SPTBN2: variants seen among roughly 807,000 people sequenced by gnomAD.
SPTBN2 encodes spectrin beta chain, non-erythrocytic 2.
SPTBN2 carries 107 observed loss-of-function variants against 284.2 expected under a neutral mutation model. The observed-to-expected ratio is 0.38, with a 90% CI of 0.32 to 0.44. SPTBN2 has a LOEUF of 0.44. SPTBN2 is among the 20% of genes least tolerant of loss of function. SPTBN2 has a pLI of 1.00. For synonymous variants in SPTBN2, 1,289 were observed against 1,354.8 expected (o/e 0.95, Z 1.07); for missense variants, 2,569 against 3,287.1 (o/e 0.78, Z 5.34).
intron 15 of SPTBN2, 63 bp from the exon 16 acceptor site, chr11:66,701,784 G>A: frequency 1.9e-6 from 3 of 1,611,516 alleles, no homozygotes; most frequent in Non-Finnish European, 2.5e-6. Context: ...GTCCACCTAA[G>A]TCCACCTCTC....
At chr11:66,703,311 G>A (rs1941346636) in intron 15 of SPTBN2, among the ~76,000 whole-genome samples, 1 of 152,020 alleles carries the variant, frequency 6.6e-6, no homozygotes, top group Non-Finnish European at 1.5e-5. Context: ...TGAACTCTTG[G>A]AATCAAGTGA....
chr11:66,714,971 A>G (rs1942069935), intron 5 of SPTBN2, among the ~76,000 whole-genome samples: 1 of 152,206 alleles, frequency 6.6e-6, no homozygotes, highest in Non-Finnish European at 1.5e-5. Context: ...GTCCCATTGC[A>G]CACGACCAAC....
At chr11:66,702,235 C>T (rs910858205) in intron 15 of SPTBN2, among the ~76,000 whole-genome samples, 3 of 152,200 alleles carry the variant, frequency 2.0e-5, no homozygotes, top group South Asian at 2.1e-4. Flanking sequence ...GGTGCAATCT[C>T]GACTCACTGC....
rs1336783904 is a variant in SPTBN2, at chr11:66,709,007, T to C, written c.1086A>G (p.Lys362=). 1.9e-6 allele frequency: 3 copies of C among 1,613,850 alleles called. No homozygotes were observed. The highest frequency in any genetic ancestry group is 1.7e-6 in the Non-Finnish European group (2 of 1,179,904). The change falls in exon 11 of 38, where the codon AAA becomes AAG. Residue 362 remains lysine (K), a synonymous_variant. Transcript: ENST00000533211. ...TVEKPPKFTE[K]GNLEVLLFTI... The stretch of plus-strand genomic sequence containing the variant: ...TGAAGAGCAGCACTTCCAAGTTCCC[T>C]TTCTCGGTAAACCTGAGGCAGGAGG...
chr11:66,710,504 C>T lies in SPTBN2; in HGVS notation c.1073+78G>A. ...CATTTATGTACTGCCAAATTTCCCT[C>T]CCTGAAGGCTGTGCTAATTTAGGCT... On this transcript the variant is annotated intron_variant, in intron 10 of 37. Coordinates refer to ENST00000533211, the MANE Select transcript of SPTBN2 (RefSeq NM_006946.4). This position sits in a 1 kb window ranked among gnomAD's most constrained non-coding sequence, Gnocchi z 4.9. 6.7e-7 allele frequency: 1 copy of T among 1,485,380 alleles called. No individual in the cohort carries two copies. The highest frequency in any genetic ancestry group is 9.2e-7 in the Non-Finnish European group (1 of 1,084,510). The allele number at this position is 1,485,380 out of a possible 1,614,324, so 92.0% of individuals were successfully genotyped here. A position where few individuals can be genotyped will look rare whatever the true frequency, so the allele number is the denominator to read the frequency against.
intron 1 of SPTBN2, among the ~76,000 whole-genome samples, chr11:66,738,482 A>T (rs1326603161): frequency 2.2e-4 from 34 of 152,340 alleles, no homozygotes; most frequent in African/African-American, 7.9e-4. Flanking sequence ...CCTTAACGCC[A>T]GAACAGATGA....
chr11:66,684,889 G>A lies in SPTBN2; in HGVS notation c.*982C>T, dbSNP rs1940012406. Reference sequence around the variant, plus strand: ...GCAGTGGCTGAGACTGGCTGGGGCTGTAGCAATGCTTCCCAGTCTTCCAAT... The same window carrying A: ...GCAGTGGCTGAGACTGGCTGGGGCTATAGCAATGCTTCCCAGTCTTCCAAT... On this transcript the variant is annotated 3_prime_UTR_variant, in exon 38 of 38. Transcript: ENST00000533211. 6.6e-6 allele frequency among the ~76,000 whole-genome samples: 1 copy of A among 152,192 alleles called. No homozygotes were observed. The highest frequency in any genetic ancestry group is 6.6e-5 in the Admixed American group (1 of 15,266).
Position 66,707,176 on chromosome 11 carries a change from G to A in SPTBN2, c.1653+340C>T, listed in dbSNP as rs1384178173. Among the ~76,000 whole-genome samples the A allele has an allele frequency of 3.3e-5, 5 of 152,224 alleles. No homozygotes were observed. The highest frequency in any genetic ancestry group is 1.2e-4 in the African/African-American group (5 of 41,456). On this transcript the variant is annotated intron_variant, in intron 13 of 37. Transcript: ENST00000533211. This position sits in a 1 kb window ranked among gnomAD's most constrained non-coding sequence, Gnocchi z 4.9. ...TCTCTCCTGAGAGCTCTCTGTGCTGGCTCCTGGCACTATTCTGGTCTCGGC... is the reference window on the plus strand; with the variant it reads ...TCTCTCCTGAGAGCTCTCTGTGCTGACTCCTGGCACTATTCTGGTCTCGGC...
At chr11:66,732,694 G>A (rs1334581460), upstream of SPTBN2, among the ~76,000 whole-genome samples, 2 of 150,416 alleles carry the variant, frequency 1.3e-5, no homozygotes, top group African/African-American at 2.4e-5. Context: ...GGCTGCGCGC[G>A]GTGGCTCACG....
upstream of SPTBN2, among the ~76,000 whole-genome samples, chr11:66,731,151 A>G (rs572698490): frequency 6.6e-6 from 1 of 152,368 alleles, no homozygotes; most frequent in South Asian, 2.1e-4. Context: ...GCACATAGTA[A>G]GCACTTAATC....
intron 1 of SPTBN2, chr11:66,728,306 C>G (rs1942708741): frequency 6.9e-6 from 1 of 145,162 alleles, no homozygotes; most frequent in Admixed American, 6.8e-5. Context: ...TGTCACGGGG[C>G]GCAGGCGGCG....
chr11:66,687,244 TC>T lies in SPTBN2; in HGVS notation c.6723-78del. 1.3e-6 allele frequency: 2 copies of T among 1,591,796 alleles called. No individual in the cohort carries two copies. Among genetic ancestry groups the T allele is most frequent in the Non-Finnish European group, 8.5e-7 (1 of 1,171,870 alleles). On this transcript the variant is annotated intron_variant, in intron 35 of 37. Coordinates refer to ENST00000533211, the MANE Select transcript of SPTBN2 (RefSeq NM_006946.4). This position sits in a 1 kb window ranked among gnomAD's most constrained non-coding sequence, Gnocchi z 5.2. ...GAGCCCTCTTGGGTGTCCTAGGACT[TC>T]CAGTTCTGCTCCCATCTTTAGGCCA... is the stretch of plus-strand genomic sequence containing the variant.
At chr11:66,722,150 ATGTT>A (rs1468060085) in intron 1 of SPTBN2, among the ~76,000 whole-genome samples, 1 of 152,228 alleles carries the variant, frequency 6.6e-6, no homozygotes, top group Non-Finnish European at 1.5e-5. Context: ...GCCACAGAGA[ATGTT>A]AGTAAGTACT....
chr11:66,692,424 G>A (rs928660028), intron 26 of SPTBN2, 112 bp downstream of exon 26: 33 of 1,295,804 alleles, frequency 2.5e-5, no homozygotes, highest in Non-Finnish European at 3.6e-5. Flanking sequence ...TGCTCAGCCT[G>A]GTCTTGCCCC....
At position 66,710,821 on chromosome 11, in the gene SPTBN2, C is replaced by T. The variant is rs756845783; in HGVS notation, c.886-52G>A. On this transcript the variant is annotated intron_variant, in intron 9 of 37. Coordinates refer to ENST00000533211, the MANE Select transcript of SPTBN2 (RefSeq NM_006946.4). This position sits in a 1 kb window ranked among gnomAD's most constrained non-coding sequence, Gnocchi z 4.9. The stretch of plus-strand genomic sequence containing the variant: ...CAGTCCCAGCCACAGGGTCCCTGGC[C>T]CAGTCCTGCAGCTCCACCCTGCCCT... 4 of 1,612,180 alleles carry T rather than the reference C, an allele frequency of 2.5e-6. No individual in the cohort carries two copies. Among genetic ancestry groups the T allele is most frequent in the Non-Finnish European group, 3.4e-6 (4 of 1,179,276 alleles).
chr11:66,709,799 G>C (rs1413413531), intron 10 of SPTBN2, among the ~76,000 whole-genome samples: 1 of 152,202 alleles, frequency 6.6e-6, no homozygotes, highest in Non-Finnish European at 1.5e-5. Flanking sequence ...CGTTTTGGCA[G>C]GTACTGAACA....
In SPTBN2 at chr11:66,691,138, G is replaced by C; in HGVS notation, c.5565+146C>G. 8.0e-7 allele frequency: 1 copy of C among 1,248,926 alleles called. No individual in the cohort carries two copies. Among genetic ancestry groups the C allele is most frequent in the African/African-American group, 1.5e-5 (1 of 65,988 alleles). The allele number at this position is 1,248,926 out of a possible 1,614,324, so 77.4% of individuals were successfully genotyped here. On this transcript the variant is annotated intron_variant, in intron 27 of 37. Coordinates refer to ENST00000533211, the MANE Select transcript of SPTBN2 (RefSeq NM_006946.4). This position sits in a 1 kb window ranked among gnomAD's most constrained non-coding sequence, Gnocchi z 8.0. ...GGCCAAACAGAGATGTTTTCTTGGAGCAATTTCCTCATCTCGAAATGGCCC... is the reference window on the plus strand; with the variant it reads ...GGCCAAACAGAGATGTTTTCTTGGACCAATTTCCTCATCTCGAAATGGCCC...
chr11:66,716,352 G>A (rs1033755738), intron 3 of SPTBN2, among the ~76,000 whole-genome samples: 8 of 151,876 alleles, frequency 5.3e-5, no homozygotes, highest in East Asian at 3.9e-4. Context: ...GCATAGTGGC[G>A]GGCGCCTGTA....
intron 29 of SPTBN2, 129 bp downstream of exon 29, chr11:66,689,676 G>T: frequency 2.1e-6 from 3 of 1,412,208 alleles, no homozygotes; most frequent in Non-Finnish European, 3.0e-6. Flanking sequence ...AGAAACCCGT[G>T]AATGGCACTG....
Sources: allele counts gnomAD v4.1 joint callset (sites outside exome capture counted in the v4.1 genomes callset), GRCh38; gene constraint gnomAD v4.1.1; non-coding constraint Gnocchi (gnomAD v3.1); transcripts MANE v1.5; gene names NCBI Gene and HGNC (gene_info 2026-07-23, HGNC 2026-07-21).